TCF20: variants seen among roughly 807,000 people sequenced by gnomAD.
TCF20 encodes SPRE-binding protein.
Under a neutral mutation model 148.6 loss-of-function variants are expected in TCF20, and 3 were observed. That is an observed-to-expected ratio of 0.02 (90% CI 0.01 to 0.05). The LOEUF (loss-of-function observed/expected upper bound fraction) is 0.05, where lower values mean the gene tolerates loss of function less well. Ranked by LOEUF, TCF20 falls within the 10% of genes least tolerant of loss-of-function variation. The probability of loss-of-function intolerance (pLI) is 1.00; values close to 1 mark genes in which losing one functional copy is unlikely to be tolerated. For synonymous variants in TCF20, 1,049 were observed against 909.5 expected (o/e 1.15, Z -2.76); for missense variants, 2,350 against 2,429.3 (o/e 0.97, Z 0.69).
At position 42,214,668 on chromosome 22, in the gene TCF20, C is replaced by T. The variant is rs749391771; in HGVS notation, c.638G>A (p.Arg213Gln). Residue 213 changes from arginine (R) to glutamine (Q), a missense_variant, in exon 2 of 6, where the codon CGG (arginine) becomes CAG (glutamine). Arg to Gln is a conservative substitution (Grantham distance 43). Around this residue, in one of 7 missense-constraint regions of TCF20, gnomAD observed 1,641 missense variants for 1,662.6 expected, o/e 0.99. Transcript: ENST00000677622. ...SSSSHLQPMQRPSTLPSSAAG... is the reference protein window; with the variant it reads ...SSSSHLQPMQQPSTLPSSAAG... The stretch of plus-strand genomic sequence containing the variant: ...AGCAGAGGATGGCAGAGTTGAGGGC[C>T]GCTGCATTGGCTGTAGATGGGATGA... The T allele has an allele frequency of 3.7e-6, 6 of 1,614,106 alleles. No homozygotes were observed. Among genetic ancestry groups the T allele is most frequent in the East Asian group, 4.5e-5 (2 of 44,872 alleles).
intron 1 of TCF20, among the ~76,000 whole-genome samples, chr22:42,310,886 G>T (rs1297433609): frequency 2.6e-5 from 4 of 152,232 alleles, no homozygotes. Flanking sequence ...TTTCTCCCCA[G>T]CAGAGCAGCG....
chr22:42,266,516 G>A (rs1175645220), intron 1 of TCF20, among the ~76,000 whole-genome samples: 1 of 152,194 alleles, frequency 6.6e-6, no homozygotes, highest in Non-Finnish European at 1.5e-5. Flanking sequence ...TGTAACCCCA[G>A]CACTTTGGGA....
intron 1 of TCF20, among the ~76,000 whole-genome samples, chr22:42,336,524 C>A (rs1209810010): frequency 6.6e-6 from 1 of 152,084 alleles, no homozygotes; most frequent in African/African-American, 2.4e-5. Flanking sequence ...AGCCCCACTG[C>A]CATCTCCCTC....
intron 1 of TCF20, among the ~76,000 whole-genome samples, chr22:42,226,918 C>T (rs1391177056): frequency 1.3e-5 from 2 of 152,102 alleles, no homozygotes; most frequent in Non-Finnish European, 2.9e-5. Context: ...ATTGTAAAGA[C>T]GTTAAGTCTC....
intron 1 of TCF20, among the ~76,000 whole-genome samples, chr22:42,320,200 C>T (rs1240101901): frequency 6.6e-6 from 1 of 152,212 alleles, no homozygotes; most frequent in Non-Finnish European, 1.5e-5. Context: ...AACTTACCAG[C>T]CTCCTTTGGG....
intron 1 of TCF20, among the ~76,000 whole-genome samples, chr22:42,218,307 A>C (rs565194821): frequency 3.9e-4 from 59 of 152,280 alleles, no homozygotes; most frequent in African/African-American, 1.4e-3. Flanking sequence ...TTTGGCCTTG[A>C]AAGTGGGTAG....
chr22:42,219,936 C>T (rs1272794695), intron 1 of TCF20, among the ~76,000 whole-genome samples: 2 of 152,190 alleles, frequency 1.3e-5, no homozygotes, highest in Non-Finnish European at 2.9e-5. Flanking sequence ...TCCTATATTC[C>T]TAACTTTCTG....
At chr22:42,252,077 C>G (rs892893931) in intron 1 of TCF20, among the ~76,000 whole-genome samples, 2 of 151,004 alleles carry the variant, frequency 1.3e-5, no homozygotes, top group Non-Finnish European at 3.0e-5. Context: ...CAAGACCAGC[C>G]TGGGCAACAT....
intron 2 of TCF20, among the ~76,000 whole-genome samples, chr22:42,189,701 C>A (rs1455812040): frequency 6.6e-6 from 1 of 152,162 alleles, no homozygotes; most frequent in Non-Finnish European, 1.5e-5. Context: ...TAAATCCCTG[C>A]TAGCAAGCTT....
At chr22:42,223,653 CTG>C (rs1922583260) in intron 1 of TCF20, among the ~76,000 whole-genome samples, 1 of 152,192 alleles carries the variant, frequency 6.6e-6, no homozygotes. Context: ...AAAACCCAGT[CTG>C]TATTTCCCAA....
chr22:42,300,891 T>C (rs1331129439), intron 1 of TCF20, among the ~76,000 whole-genome samples: 1 of 152,116 alleles, frequency 6.6e-6, no homozygotes, highest in East Asian at 1.9e-4. Flanking sequence ...GAATGCACCA[T>C]GCATTCAACC....
chr22:42,291,262 A>G (rs1003359888), intron 1 of TCF20, among the ~76,000 whole-genome samples: 10 of 152,230 alleles, frequency 6.6e-5, no homozygotes, highest in African/African-American at 2.4e-4. Flanking sequence ...GTGGAAAGGA[A>G]AGTAAGTAAA....
chr22:42,263,142 C>T (rs776148347), intron 1 of TCF20, among the ~76,000 whole-genome samples: 1 of 152,174 alleles, frequency 6.6e-6, no homozygotes, highest in Non-Finnish European at 1.5e-5. Context: ...GGCAAAATGC[C>T]AAAAGTCACT....
chr22:42,209,531 A>G, intron 2 of TCF20, 120 bp downstream of exon 2: 1 of 1,174,042 alleles, frequency 8.5e-7, no homozygotes, highest in Non-Finnish European at 1.2e-6. Flanking sequence ...TGTCCATCAC[A>G]TGGGCATAGG....
chr22:42,225,742 G>A (rs1922831373), intron 1 of TCF20, among the ~76,000 whole-genome samples: 1 of 152,106 alleles, frequency 6.6e-6, no homozygotes, highest in African/African-American at 2.4e-5. Flanking sequence ...AGGCACAGGG[G>A]ACCCCACAAG....
rs1926565570 is a variant in TCF20, at chr22:42,270,651, AAC to A, written c.-351_-350del. On this transcript the variant is annotated 5_prime_UTR_variant, in exon 1 of 6. Transcript: ENST00000677622. ...TCCATTCTCCCAACACACAGGAAAT[AAC>A]AGAGCGTCAGGTGACGGCGCGCGGC... Among the ~76,000 whole-genome samples, 1 of 142,846 alleles carries A rather than the reference AAC, an allele frequency of 7.0e-6. No homozygotes were observed. Among genetic ancestry groups the A allele is most frequent in the Non-Finnish European group, 1.5e-5 (1 of 64,710 alleles). 93.7% of individuals were successfully genotyped at this position (142,846 alleles called of 152,430 possible). A position where few individuals can be genotyped will look rare whatever the true frequency, so the allele number is the denominator to read the frequency against.
intron 2 of TCF20, among the ~76,000 whole-genome samples, chr22:42,182,317 G>A (rs193212169): frequency 6.6e-6 from 1 of 152,128 alleles, no homozygotes; most frequent in Admixed American, 6.5e-5. Context: ...ATGTCATAAG[G>A]GTTAAATGAA....
intron 2 of TCF20, among the ~76,000 whole-genome samples, chr22:42,184,857 A>G (rs958876848): frequency 6.6e-6 from 1 of 152,248 alleles, no homozygotes; most frequent in Non-Finnish European, 1.5e-5. Context: ...AAATTATAAA[A>G]GGTATTATTA....
intron 1 of TCF20, among the ~76,000 whole-genome samples, chr22:42,315,638 T>C (rs1927615813): frequency 6.6e-6 from 1 of 151,760 alleles, no homozygotes; most frequent in East Asian, 1.9e-4. Context: ...GACAGTGCCA[T>C]GAATGAGGGA....
Sources: allele counts gnomAD v4.1 joint callset (sites outside exome capture counted in the v4.1 genomes callset), GRCh38; gene constraint gnomAD v4.1.1; regional missense constraint gnomAD v4.1.1; transcripts MANE v1.5; gene names NCBI Gene and HGNC (gene_info 2026-07-23, HGNC 2026-07-21).